Variants in YWHAE observed in about 807,000 individuals in gnomAD.
The protein encoded by YWHAE is tyrosine 3-monooxygenase/tryptophan 5-monooxygenase activation protein epsilon.
Under a neutral mutation model 30.1 loss-of-function variants are expected in YWHAE, and 4 were observed. That is an observed-to-expected ratio of 0.13 (90% CI 0.07 to 0.30). The LOEUF (loss-of-function observed/expected upper bound fraction) is 0.30, where lower values mean the gene tolerates loss of function less well. Ranked by LOEUF, YWHAE falls within the 10% of genes least tolerant of loss-of-function variation. The pLI, the probability that YWHAE is intolerant of heterozygous loss-of-function variation, is 1.00. For missense variants in YWHAE, 121 were observed against 315.9 expected (o/e 0.38, Z 4.68); for synonymous variants, 118 against 111.8 (o/e 1.06, Z -0.35).
intron 1 of YWHAE, among the ~76,000 whole-genome samples, chr17:1,371,191 T>C (rs560166120): frequency 6.0e-5 from 9 of 150,466 alleles, no homozygotes; most frequent in African/African-American, 1.9e-4. Flanking sequence ...CAAGCGATCC[T>C]CCAACCTCAG....
At chr17:1,367,411 T>C (rs966008693) in intron 1 of YWHAE, among the ~76,000 whole-genome samples, 1 of 152,166 alleles carries the variant, frequency 6.6e-6, no homozygotes, top group Non-Finnish European at 1.5e-5. Context: ...GAGACCAACC[T>C]GGGCAACATG....
At chr17:1,393,166 A>G (rs2073414298) in intron 1 of YWHAE, among the ~76,000 whole-genome samples, 1 of 147,238 alleles carries the variant, frequency 6.8e-6, no homozygotes, top group African/African-American at 2.6e-5. Flanking sequence ...AAATAAATAA[A>G]TAAATAAAAT....
At chr17:1,351,366 A>C (rs1194164771) in intron 5 of YWHAE, among the ~76,000 whole-genome samples, 1 of 151,592 alleles carries the variant, frequency 6.6e-6, no homozygotes, top group Non-Finnish European at 1.5e-5. Flanking sequence ...TAACAAGAGC[A>C]AAACTCCATC....
intron 1 of YWHAE, among the ~76,000 whole-genome samples, chr17:1,370,165 T>C (rs2073010266): frequency 7.4e-6 from 1 of 134,654 alleles, no homozygotes; most frequent in South Asian, 2.4e-4. Flanking sequence ...TCTCGCTCTG[T>C]CACCAGGCTG....
At chr17:1,396,399 G>A (rs1480412530) in intron 1 of YWHAE, among the ~76,000 whole-genome samples, 1 of 152,124 alleles carries the variant, frequency 6.6e-6, no homozygotes, top group Non-Finnish European at 1.5e-5. Context: ...AATAAAGCCT[G>A]GGAGACAGAG....
At chr17:1,346,030 G>A (rs1379777688) in intron 5 of YWHAE, among the ~76,000 whole-genome samples, 1 of 151,618 alleles carries the variant, frequency 6.6e-6, no homozygotes, top group Non-Finnish European at 1.5e-5. Context: ...TTGTATCTTG[G>A]CCAGATACAC....
intron 1 of YWHAE, among the ~76,000 whole-genome samples, chr17:1,396,119 CA>C (rs535314977): frequency 1.3e-5 from 2 of 150,260 alleles, no homozygotes; most frequent in East Asian, 2.0e-4. Context: ...GACTCCGTCT[CA>C]AAAAAAAGAC....
At chr17:1,347,859 G>C in intron 5 of YWHAE, 1 of 685,550 alleles carries the variant, frequency 1.5e-6, no homozygotes, top group Non-Finnish European at 1.8e-6. Flanking sequence ...CCTGGAAGGT[G>C]GAACAGGCAG....
At chr17:1,354,788 G>A (rs908601532) in intron 4 of YWHAE, among the ~76,000 whole-genome samples, 13 of 151,668 alleles carry the variant, frequency 8.6e-5, no homozygotes, top group African/African-American at 2.7e-4. Context: ...TCAGCCTCCC[G>A]AATGGCTGGG....
Position 1,345,248 on chromosome 17 carries a change from C to T in YWHAE, c.*199G>A, listed in dbSNP as rs1037312608. 5.0e-5 allele frequency: 29 copies of T among 581,026 alleles called. No homozygotes were observed. Among genetic ancestry groups the T allele is most frequent in the Middle Eastern group, 4.5e-4 (1 of 2,224 alleles). The allele number at this position is 581,026 out of a possible 1,614,324, so 36.0% of individuals were successfully genotyped here. On this transcript the variant is annotated 3_prime_UTR_variant, in exon 6 of 6. Transcript: ENST00000264335. Reference sequence around the variant, plus strand: ...TAAAAGCTGGGACCAGTAAAATCCACAGAAATTCACTCTTGCCTTTAAGAA... The same window carrying T: ...TAAAAGCTGGGACCAGTAAAATCCATAGAAATTCACTCTTGCCTTTAAGAA...
chr17:1,365,283 G>C (rs1015232370), intron 1 of YWHAE, among the ~76,000 whole-genome samples: 1 of 151,896 alleles, frequency 6.6e-6, no homozygotes, highest in East Asian at 1.9e-4. Flanking sequence ...GAGTGAGAAA[G>C]ACTTCATATA....
At chr17:1,345,938 T>A (rs1027793662) in intron 5 of YWHAE, among the ~76,000 whole-genome samples, 1 of 152,226 alleles carries the variant, frequency 6.6e-6, no homozygotes, top group African/African-American at 2.4e-5. Flanking sequence ...TGCTTCAAAA[T>A]AGTTAACTGA....
rs746108238 is a variant in YWHAE at position 1,400,148 on chromosome 17, G to A, written c.-38C>T. 3.7e-6 allele frequency: 6 copies of A among 1,612,022 alleles called. No individual in the cohort carries two copies. The African/African-American group carries it at 6.7e-5, about 18-fold the overall frequency. On this transcript the variant is annotated 5_prime_UTR_variant, in exon 1 of 6. Transcript: ENST00000264335. ...TCCGGCAGGGTCTGCGCGACGGATG[G>A]AAGCGGATAGTGTCTCCGACTCTCT... is the stretch of plus-strand genomic sequence containing the variant.
chr17:1,357,962 AAAC>A (rs770879487), intron 4 of YWHAE, among the ~76,000 whole-genome samples: 180 of 152,188 alleles, frequency 1.2e-3, no homozygotes, highest in Middle Eastern at 6.8e-3. Context: ...CAATAGCAAA[AAAC>A]AACAACAACA....
chr17:1,393,409 G>C (rs149022759), intron 1 of YWHAE, among the ~76,000 whole-genome samples: 1 of 152,108 alleles, frequency 6.6e-6, no homozygotes, highest in African/African-American at 2.4e-5. Context: ...CCATATCCCA[G>C]TACAGACATT....
At chr17:1,346,505 C>T (rs1424982457) in intron 5 of YWHAE, among the ~76,000 whole-genome samples, 1 of 152,230 alleles carries the variant, frequency 6.6e-6, no homozygotes, top group Non-Finnish European at 1.5e-5. Context: ...TAGCTGCCTA[C>T]ACACATGAAG....
chr17:1,393,077 G>A (rs927843116), intron 1 of YWHAE, among the ~76,000 whole-genome samples: 9 of 151,384 alleles, frequency 5.9e-5, no homozygotes, highest in East Asian at 1.9e-4. Flanking sequence ...GTGGTGGATC[G>A]CGCCACTGTA....
At chr17:1,353,492 G>A (rs2072676013) in intron 5 of YWHAE, among the ~76,000 whole-genome samples, 1 of 151,344 alleles carries the variant, frequency 6.6e-6, no homozygotes, top group East Asian at 1.9e-4. Context: ...GCAGGGCGCA[G>A]TGGCTAACGC....
At chr17:1,394,186 T>C (rs953273871) in intron 1 of YWHAE, among the ~76,000 whole-genome samples, 5 of 152,054 alleles carry the variant, frequency 3.3e-5, no homozygotes, top group African/African-American at 1.2e-4. Flanking sequence ...TAAAAAAATC[T>C]CTCTCTCAAA....
Sources: allele counts gnomAD v4.1 joint callset (sites outside exome capture counted in the v4.1 genomes callset), GRCh38; gene constraint gnomAD v4.1.1; transcripts MANE v1.5; gene names NCBI Gene and HGNC (gene_info 2026-07-23, HGNC 2026-07-21).